The following CD2AP variants were observed in gnomAD, a reference collection of about 807,000 sequenced individuals.
CD2AP encodes the protein CD2 associated protein, also known as CD2-associated protein.
CD2AP carries 46 observed loss-of-function variants against 85.1 expected under a neutral mutation model. That is an observed-to-expected ratio of 0.54 (90% CI 0.43 to 0.69). The LOEUF (loss-of-function observed/expected upper bound fraction) is 0.69, where lower values mean the gene tolerates loss of function less well. CD2AP is among the 30% of genes least tolerant of loss of function. The pLI, the probability that CD2AP is intolerant of heterozygous loss-of-function variation, is 0.00. For synonymous variants in CD2AP, 255 were observed against 252.9 expected (o/e 1.01, Z -0.08); for missense variants, 769 against 729.5 (o/e 1.05, Z -0.62).
At chr6:47,507,167 A>G (rs985854769) in intron 2 of CD2AP, among the ~76,000 whole-genome samples, 11 of 152,180 alleles carry the variant, frequency 7.2e-5, no homozygotes, top group African/African-American at 2.7e-4. Context: ...TTTTATCACA[A>G]GGTTGCAATA....
Position 47,624,277 on chromosome 6 carries a change from TA to T in CD2AP, c.*51del. 7.1e-7 allele frequency: 1 copy of T among 1,414,600 alleles called. No individual in the cohort carries two copies. The highest frequency in any genetic ancestry group is 1.0e-6 in the Non-Finnish European group (1 of 998,920). 87.6% of individuals were successfully genotyped at this position (1,414,600 alleles called of 1,614,324 possible). A position where few individuals can be genotyped will look rare whatever the true frequency, so the allele number is the denominator to read the frequency against. ...TGTTCCAGGGATTCAGAAGCAACGC[TA>T]TGAACTTCAGCTGACTTGTTACTTA... On this transcript the variant is annotated 3_prime_UTR_variant, in exon 18 of 18. Transcript: ENST00000359314.
chr6:47,542,884 C>G (rs1352636697), intron 3 of CD2AP, among the ~76,000 whole-genome samples: 1 of 151,992 alleles, frequency 6.6e-6, no homozygotes, highest in Non-Finnish European at 1.5e-5. Context: ...GGCATGGTAG[C>G]TCACGCCTGT....
At chr6:47,577,724 T>C (rs1254671947) in intron 8 of CD2AP, among the ~76,000 whole-genome samples, 1 of 152,132 alleles carries the variant, frequency 6.6e-6, no homozygotes, top group Non-Finnish European at 1.5e-5. Context: ...AGAATAATTT[T>C]TGAAATTCTG....
intron 5 of CD2AP, among the ~76,000 whole-genome samples, chr6:47,573,512 G>T (rs1406215015): frequency 8.2e-6 from 1 of 122,562 alleles, no homozygotes; most frequent in Non-Finnish European, 1.6e-5. Flanking sequence ...TTTTTGAGAC[G>T]GAGTCTTGCC....
chr6:47,544,642 A>G lies in CD2AP; in HGVS notation c.356A>G (p.Tyr119Cys), dbSNP rs1767318598. The G allele has an allele frequency of 1.9e-6, 3 of 1,612,724 alleles. No homozygotes were observed. Among genetic ancestry groups the G allele is most frequent in the Non-Finnish European group, 2.5e-6 (3 of 1,178,912 alleles). Residue 119 changes from tyrosine (Y) to cysteine (C), a missense_variant, in exon 4 of 18, where the codon TAC becomes TGC. Tyr to Cys is a radical substitution (Grantham distance 194). Transcript: ENST00000359314. ...CGTCAGTGTAAAGTTCTTTTTGAGT[A>G]CATTCCACAAAATGAGGATGAACTG... Reference protein sequence around the residue: ...KKRQCKVLFEYIPQNEDELEL... With the variant: ...KKRQCKVLFECIPQNEDELEL...
In CD2AP at chr6:47,491,136, A is replaced by G. The variant is rs1224141259; in HGVS notation, c.5-12144A>G. 2.0e-5 allele frequency among the ~76,000 whole-genome samples: 3 copies of G among 152,196 alleles called. No individual in the cohort carries two copies. In the East Asian group the frequency reaches 5.8e-4, roughly 29 times the overall value. On this transcript the variant is annotated intron_variant, in intron 1 of 17. Transcript: ENST00000359314. The stretch of plus-strand genomic sequence containing the variant: ...ATGCTAATCAGTTTTGCGTTTCTCT[A>G]TTTATGGTAAAGAATAAATATTTCG...
chr6:47,579,700 C>G, intron 9 of CD2AP: 1 of 518,570 alleles, frequency 1.9e-6, no homozygotes, highest in Non-Finnish European at 3.4e-6. Flanking sequence ...CTCGACTGTA[C>G]TGAAAAATAA....
intron 5 of CD2AP, among the ~76,000 whole-genome samples, chr6:47,559,319 G>A (rs1252959353): frequency 2.0e-5 from 3 of 150,298 alleles, no homozygotes; most frequent in East Asian, 2.0e-4. Flanking sequence ...GTGTGCAGTA[G>A]CATGATCATA....
intron 4 of CD2AP, among the ~76,000 whole-genome samples, chr6:47,553,078 G>A (rs1249253543): frequency 6.6e-6 from 1 of 150,856 alleles, no homozygotes; most frequent in African/African-American, 2.4e-5. Flanking sequence ...AAATTGTATT[G>A]TAGCCATCTG....
intron 8 of CD2AP, among the ~76,000 whole-genome samples, chr6:47,578,836 T>C (rs866715548): frequency 3.2e-4 from 48 of 152,044 alleles, no homozygotes; most frequent in Admixed American, 1.5e-3. Flanking sequence ...TTTGTATTTT[T>C]AGTAGAGACG....
At chr6:47,484,314 C>T (rs1765514111) in intron 1 of CD2AP, among the ~76,000 whole-genome samples, 1 of 150,966 alleles carries the variant, frequency 6.6e-6, no homozygotes, top group Non-Finnish European at 1.5e-5. Context: ...CTTCTGGGCT[C>T]CTAAATGTTT....
chr6:47,590,350 A>G (rs1388152961), intron 11 of CD2AP, among the ~76,000 whole-genome samples: 3 of 152,144 alleles, frequency 2.0e-5, no homozygotes, highest in African/African-American at 7.2e-5. Flanking sequence ...ATATAAATAT[A>G]TACACACAAA....
At chr6:47,574,826 A>G (rs982480091) in intron 6 of CD2AP, among the ~76,000 whole-genome samples, 2 of 152,126 alleles carry the variant, frequency 1.3e-5, no homozygotes, top group Non-Finnish European at 1.5e-5. Context: ...AGAACTAAAA[A>G]GAGGCTTTAA....
At chr6:47,575,247 A>G (rs1333024176) in intron 6 of CD2AP, among the ~76,000 whole-genome samples, 1 of 152,192 alleles carries the variant, frequency 6.6e-6, no homozygotes, top group African/African-American at 2.4e-5. Context: ...GTGGTGCTCT[A>G]TAGCCATGTA....
intron 2 of CD2AP, among the ~76,000 whole-genome samples, chr6:47,531,755 C>T (rs1318379483): frequency 6.6e-6 from 1 of 152,040 alleles, no homozygotes; most frequent in Non-Finnish European, 1.5e-5. Flanking sequence ...TATCAGTTCT[C>T]AAGTATTTGA....
intron 4 of CD2AP, 40 bp from the exon 5 acceptor site, chr6:47,554,606 A>T: frequency 3.1e-6 from 5 of 1,611,760 alleles, no homozygotes; most frequent in Non-Finnish European, 4.2e-6. Flanking sequence ...TTTTCACTTA[A>T]CAGAAGTTGT....
chr6:47,505,619 G>A (rs1234643913), intron 2 of CD2AP, among the ~76,000 whole-genome samples: 14 of 127,908 alleles, frequency 1.1e-4, no homozygotes, highest in African/African-American at 2.3e-4. Context: ...CCGGGCGGGG[G>A]GGGCTGACCC....
At chr6:47,499,093 T>G (rs1158694488) in intron 1 of CD2AP, among the ~76,000 whole-genome samples, 1 of 152,218 alleles carries the variant, frequency 6.6e-6, no homozygotes, top group African/African-American at 2.4e-5. Context: ...TTCATTTTTT[T>G]TGATAACTTC....
intron 5 of CD2AP, chr6:47,562,568 C>T (rs1156282406): frequency 6.0e-6 from 2 of 332,622 alleles, no homozygotes; most frequent in African/African-American, 2.1e-5. Flanking sequence ...CTTGCATAAG[C>T]AAAAGCTTGG....
Sources: gnomAD v4.1 joint callset for allele counts (sites outside exome capture counted in the v4.1 genomes callset) on GRCh38, gnomAD v4.1.1 for gene constraint, MANE v1.5 for transcripts, NCBI Gene and HGNC (gene_info 2026-07-23, HGNC 2026-07-21) for gene names.